The following DNAH8 variants were observed in gnomAD, a reference collection of about 807,000 sequenced individuals.
DNAH8 encodes the protein dynein axonemal heavy chain 8.
Under a neutral mutation model 562.1 loss-of-function variants are expected in DNAH8, and 382 were observed. The ratio of observed to expected loss-of-function variants is 0.68; its 90% CI spans 0.63 to 0.74. The LOEUF is 0.74. Ranked by LOEUF, DNAH8 falls within the 30% of genes least tolerant of loss-of-function variation. The pLI is 0.00. For synonymous variants in DNAH8, 1,881 were observed against 1,919.4 expected (o/e 0.98, Z 0.52); for missense variants, 5,203 against 5,620.4 (o/e 0.93, Z 2.37).
In DNAH8 at chr6:38,772,121, C is replaced by T. The variant is rs546049020; in HGVS notation, c.1764+1562C>T. ...TCGGCTCACTGCAAGCTCCACCTCCCGGGTTCACGACATTCTCCTGCCTCA... is the reference window on the plus strand; with the variant it reads ...TCGGCTCACTGCAAGCTCCACCTCCTGGGTTCACGACATTCTCCTGCCTCA... On this transcript the variant is annotated intron_variant, in intron 12 of 92. Transcript: ENST00000327475. Among the ~76,000 whole-genome samples, 123 of 151,204 alleles carry T rather than the reference C, an allele frequency of 8.1e-4. 1 individual carries two copies. Among genetic ancestry groups the T allele is most frequent in the African/African-American group, 2.8e-3 (116 of 41,228 alleles).
At chr6:38,944,760 T>C (rs1417948496) in intron 79 of DNAH8, among the ~76,000 whole-genome samples, 3 of 152,200 alleles carry the variant, frequency 2.0e-5, no homozygotes, top group Non-Finnish European at 2.9e-5. Context: ...TATCCCCCAG[T>C]GTCTGGAACA....
chr6:38,743,761 T>C (rs1054641047), intron 8 of DNAH8, among the ~76,000 whole-genome samples: 3 of 152,242 alleles, frequency 2.0e-5, no homozygotes, highest in African/African-American at 7.2e-5. Flanking sequence ...CCACATTTTG[T>C]TGATCAGTTT....
At chr6:38,735,754 C>G (rs866360344) in intron 5 of DNAH8, among the ~76,000 whole-genome samples, 1 of 152,124 alleles carries the variant, frequency 6.6e-6, no homozygotes, top group Non-Finnish European at 1.5e-5. Flanking sequence ...TGCTATTCTC[C>G]AGAAGCAACT....
chr6:38,997,389 T>C (rs1765203316), intron 88 of DNAH8, among the ~76,000 whole-genome samples: 1 of 152,162 alleles, frequency 6.6e-6, no homozygotes, highest in East Asian at 1.9e-4. Flanking sequence ...TCCAGCAAGA[T>C]GTAACTCTCC....
chr6:39,017,894 AG>A (rs1342140893), intron 91 of DNAH8, among the ~76,000 whole-genome samples: 1 of 152,220 alleles, frequency 6.6e-6, no homozygotes, highest in Non-Finnish European at 1.5e-5. Context: ...GAGTTATAAA[AG>A]TCTGCCGTTT....
intron 10 of DNAH8, among the ~76,000 whole-genome samples, chr6:38,758,699 T>G (rs1766175392): frequency 6.6e-6 from 1 of 152,164 alleles, no homozygotes; most frequent in Non-Finnish European, 1.5e-5. Flanking sequence ...TTGAGATACA[T>G]CCCATCAATA....
At chr6:38,969,213 A>G (rs1366618898) in intron 82 of DNAH8, among the ~76,000 whole-genome samples, 1 of 152,210 alleles carries the variant, frequency 6.6e-6, no homozygotes, top group African/African-American at 2.4e-5. Flanking sequence ...ATGCAACTCT[A>G]AAAACATATT....
At position 38,820,874 on chromosome 6, in the gene DNAH8, G is replaced by T. The variant is rs139768135; in HGVS notation, c.3524-1964G>T. Among the ~76,000 whole-genome samples the T allele has an allele frequency of 1.5e-3, 234 of 152,116 alleles. 1 individual carries two copies. The highest frequency in any genetic ancestry group is 2.5e-3 in the Non-Finnish European group (169 of 67,988). Reference sequence around the variant, plus strand: ...ATTGAACTTCTTCAACCTTATAAAAGGCATCATACTTAATGTTGAAAGCCT... The same window carrying T: ...ATTGAACTTCTTCAACCTTATAAAATGCATCATACTTAATGTTGAAAGCCT... On this transcript the variant is annotated intron_variant, in intron 26 of 92. Transcript: ENST00000327475.
intron 1 of DNAH8, among the ~76,000 whole-genome samples, chr6:38,722,468 G>A (rs1198106798): frequency 6.6e-6 from 1 of 151,784 alleles, no homozygotes; most frequent in Non-Finnish European, 1.5e-5. Flanking sequence ...GCCCTCCAAT[G>A]AATTGCTGGG....
chr6:38,748,851 C>A (rs1196332908), intron 8 of DNAH8, among the ~76,000 whole-genome samples: 1 of 151,252 alleles, frequency 6.6e-6, no homozygotes, highest in Non-Finnish European at 1.5e-5. Context: ...AGAAATTGAT[C>A]AACTTTGGAT....
intron 24 of DNAH8, among the ~76,000 whole-genome samples, chr6:38,809,441 AT>A (rs906698132): frequency 6.6e-6 from 1 of 152,122 alleles, no homozygotes; most frequent in Non-Finnish European, 1.5e-5. Context: ...AAATTAATAT[AT>A]TTTTTTCCAT....
In DNAH8 at chr6:38,842,431, T is replaced by C. The variant is rs1422849459; in HGVS notation, c.4530T>C (p.Ser1510=). The change falls in exon 34 of 93, where the codon AGT becomes AGC. Residue 1510 remains serine, a synonymous_variant. Transcript: ENST00000327475. The part of the protein sequence containing the change: ...GLYDTVMSSI[S]GYYEILWGDV... ...ATGACACCGTAATGAGCAGTATTAG[T>C]GGTTATTATGAAATACTTTGGGGAG... 62 of 1,612,768 alleles carry C rather than the reference T, an allele frequency of 3.8e-5. No homozygotes were observed. The highest frequency in any genetic ancestry group is 5.2e-5 in the Non-Finnish European group (61 of 1,179,036).
At chr6:38,985,592 T>G (rs538454486) in intron 87 of DNAH8, among the ~76,000 whole-genome samples, 2 of 152,298 alleles carry the variant, frequency 1.3e-5, no homozygotes, top group East Asian at 3.9e-4. Context: ...GGAGGTCAAA[T>G]GGACACAGAC....
Position 39,010,814 on chromosome 6 carries a change from CACACACGTATGTATGTATGTATGT to C in DNAH8, c.13372-1399_13372-1376del, listed in dbSNP as rs1297814882. ...ACGCACGTGTACGCACACACACACA[CACACACGTATGTATGTATGTATGT>C]ATGTATGTATGTATGTATGTATGTA... On this transcript the variant is annotated intron_variant, in intron 89 of 92. Transcript: ENST00000327475. 1.7e-4 allele frequency among the ~76,000 whole-genome samples: 23 copies of C among 134,192 alleles called. No individual in the cohort carries two copies. The Admixed American group carries it at 1.8e-3, about 10-fold the overall frequency. 88.0% of individuals were successfully genotyped at this position (134,192 alleles called of 152,430 possible).
intron 11 of DNAH8, among the ~76,000 whole-genome samples, chr6:38,766,684 C>G (rs143449179): frequency 6.6e-6 from 1 of 151,990 alleles, no homozygotes; most frequent in Non-Finnish European, 1.5e-5. Context: ...GTCACACCCC[C>G]AACCCCAAAA....
rs537696711 is a variant in DNAH8 at position 38,925,224 on chromosome 6, G to A, written c.10963-831G>A. ...GCCAGAATATTCTTTATTAATTATG[G>A]CCTTTGGGGGTCCTGGGATAATTTA... On this transcript the variant is annotated intron_variant, in intron 73 of 92. Coordinates refer to ENST00000327475, the MANE Select transcript of DNAH8 (RefSeq NM_001206927.2). 3.9e-5 allele frequency among the ~76,000 whole-genome samples: 6 copies of A among 152,248 alleles called. No individual in the cohort carries two copies. The East Asian group carries it at 9.6e-4, about 24-fold the overall frequency.
At chr6:38,912,097 G>A (rs779764098) in intron 66 of DNAH8, among the ~76,000 whole-genome samples, 15 of 152,204 alleles carry the variant, frequency 9.9e-5, no homozygotes, top group Non-Finnish European at 1.8e-4. Context: ...AACATTGGAA[G>A]AGATTATATG....
intron 88 of DNAH8, among the ~76,000 whole-genome samples, chr6:38,995,773 A>G (rs1765096498): frequency 6.6e-6 from 1 of 152,216 alleles, no homozygotes; most frequent in South Asian, 2.1e-4. Flanking sequence ...TGTGGACATA[A>G]CACTAGCTCT....
intron 28 of DNAH8, among the ~76,000 whole-genome samples, chr6:38,825,131 G>A (rs1050505741): frequency 3.9e-5 from 6 of 152,086 alleles, no homozygotes; most frequent in Non-Finnish European, 8.8e-5. Context: ...AGAGGGGAGG[G>A]TGGGCTGAAT....
Sources: gnomAD v4.1 joint callset for allele counts (sites outside exome capture counted in the v4.1 genomes callset) on GRCh38, gnomAD v4.1.1 for gene constraint, MANE v1.5 for transcripts, NCBI Gene and HGNC (gene_info 2026-07-23, HGNC 2026-07-21) for gene names.